The following ADGRL3 variants were observed in gnomAD, a reference collection of about 807,000 sequenced individuals.
ADGRL3 encodes calcium-independent alpha-latrotoxin receptor 3.
A neutral mutation model predicts 153.5 loss-of-function variants in ADGRL3; 62 were observed. That is an observed-to-expected ratio of 0.40 (90% CI 0.33 to 0.50). ADGRL3 has a LOEUF of 0.50. Among genes scored for constraint, ADGRL3 ranks in the 20% least tolerant of loss-of-function variants. The pLI is 0.47. For missense variants in ADGRL3, 1,641 were observed against 1,859.4 expected, an observed-to-expected ratio of 0.88 and a Z score of 2.16; for synonymous variants, 710 against 672.5, an observed-to-expected ratio of 1.06 and a Z score of -0.86.
chr4:61,906,989 G>A (rs2098698878), intron 11 of ADGRL3, among the ~76,000 whole-genome samples: 1 of 152,026 alleles, frequency 6.6e-6, no homozygotes, highest in African/African-American at 2.4e-5. Context: ...CATGTTCTGT[G>A]TTGGACTGCC....
intron 1 of ADGRL3, among the ~76,000 whole-genome samples, chr4:61,248,939 C>T (rs185002345): frequency 3.3e-5 from 5 of 152,140 alleles, no homozygotes; most frequent in Admixed American, 6.6e-5. Flanking sequence ...TTGTATTCTA[C>T]GTGCACAGCA....
At chr4:61,833,546 A>G (rs753975261) in intron 9 of ADGRL3, among the ~76,000 whole-genome samples, 2 of 152,054 alleles carry the variant, frequency 1.3e-5, no homozygotes, top group Non-Finnish European at 2.9e-5. Context: ...GATTGAGTCA[A>G]TTCCTGGGTG....
intron 1 of ADGRL3, among the ~76,000 whole-genome samples, chr4:61,377,072 G>A (rs1398030763): frequency 6.6e-6 from 1 of 152,084 alleles, no homozygotes; most frequent in Non-Finnish European, 1.5e-5. Flanking sequence ...CACAATGGCT[G>A]GGTATATAGA....
intron 1 of ADGRL3, among the ~76,000 whole-genome samples, chr4:61,203,660 T>C (rs971410432): frequency 6.6e-6 from 1 of 152,258 alleles, no homozygotes; most frequent in Non-Finnish European, 1.5e-5. Flanking sequence ...TTTAGCACTT[T>C]TTCATTTGGA....
At chr4:61,377,168 G>A (rs1263153256) in intron 1 of ADGRL3, among the ~76,000 whole-genome samples, 1 of 151,870 alleles carries the variant, frequency 6.6e-6, no homozygotes, top group Non-Finnish European at 1.5e-5. Flanking sequence ...GTAGGGAATG[G>A]TACGGAATGG....
intron 5 of ADGRL3, among the ~76,000 whole-genome samples, chr4:61,676,448 A>G (rs1230808757): frequency 6.6e-6 from 1 of 151,870 alleles, no homozygotes; most frequent in Non-Finnish European, 1.5e-5. Context: ...CTCTGTGGTT[A>G]TATTTTCTAA....
intron 5 of ADGRL3, among the ~76,000 whole-genome samples, chr4:61,627,055 C>G (rs779669069): frequency 2.6e-5 from 4 of 151,940 alleles, no homozygotes; most frequent in Non-Finnish European, 5.9e-5. Flanking sequence ...GGATTTGCTC[C>G]TTTTCAAATA....
intron 17 of ADGRL3, among the ~76,000 whole-genome samples, chr4:61,967,341 GT>G (rs1369177963): frequency 6.6e-6 from 1 of 152,000 alleles, no homozygotes; most frequent in Non-Finnish European, 1.5e-5. Flanking sequence ...ACTATGGCAT[GT>G]TTATATTTGC....
intron 3 of ADGRL3, among the ~76,000 whole-genome samples, chr4:61,512,834 A>T (rs2098470841): frequency 6.6e-6 from 1 of 152,124 alleles, no homozygotes; most frequent in Non-Finnish European, 1.5e-5. Context: ...GGGTATGTTC[A>T]GGAGGGTAAG....
chr4:61,746,756 G>A (rs971265831), intron 8 of ADGRL3, among the ~76,000 whole-genome samples: 21 of 152,252 alleles, frequency 1.4e-4, no homozygotes, highest in Admixed American at 1.3e-3. Context: ...GAGAAAGCAG[G>A]AAAGATCCAA....
At chr4:61,428,909 C>A (rs942270027) in intron 2 of ADGRL3, among the ~76,000 whole-genome samples, 18 of 146,298 alleles carry the variant, frequency 1.2e-4, no homozygotes, top group South Asian at 4.2e-4. Flanking sequence ...ATCTATCTAT[C>A]TATCTATCTA....
chr4:61,551,468 C>G (rs903806556), intron 4 of ADGRL3, among the ~76,000 whole-genome samples: 1 of 151,956 alleles, frequency 6.6e-6, no homozygotes, highest in Non-Finnish European at 1.5e-5. Context: ...AATTTTAATT[C>G]TAGAGGATAC....
At chr4:61,295,419 A>T (rs1009342653) in intron 1 of ADGRL3, among the ~76,000 whole-genome samples, 1 of 152,124 alleles carries the variant, frequency 6.6e-6, no homozygotes. Flanking sequence ...ATTCAATTCT[A>T]CCTGCAGTTT....
Position 61,780,464 on chromosome 4 carries a change from A to C in ADGRL3, c.1400-33345A>C, listed in dbSNP as rs146671236. Among the ~76,000 whole-genome samples, 18 of 152,380 alleles carry C rather than the reference A, an allele frequency of 1.2e-4. No individual in the cohort carries two copies. The East Asian group carries it at 3.5e-3, about 29-fold the overall frequency. ...AGTATAGGTTAAAGGAATTTAGAAA[A>C]GGAACCAATAGGCTTCTATTCTCAC... On this transcript the variant is annotated intron_variant, in intron 8 of 26. Transcript: ENST00000683033.
chr4:61,811,648 T>C (rs1221373088), intron 8 of ADGRL3, among the ~76,000 whole-genome samples: 3 of 152,168 alleles, frequency 2.0e-5, no homozygotes, highest in Admixed American at 6.5e-5. Context: ...TTATGCTTAA[T>C]TCAGATATAT....
At chr4:61,282,651 A>T (rs971381447) in intron 1 of ADGRL3, among the ~76,000 whole-genome samples, 1 of 151,938 alleles carries the variant, frequency 6.6e-6, no homozygotes, top group Non-Finnish European at 1.5e-5. Flanking sequence ...TACTAAACAT[A>T]GTAAATTCTT....
intron 8 of ADGRL3, among the ~76,000 whole-genome samples, chr4:61,747,629 C>G (rs369884202): frequency 6.9e-6 from 1 of 145,788 alleles, no homozygotes; most frequent in South Asian, 2.2e-4. Flanking sequence ...TCAATAGATG[C>G]AGAAAAGGCC....
chr4:61,714,156 G>A (rs2096059052), intron 6 of ADGRL3, among the ~76,000 whole-genome samples: 1 of 150,356 alleles, frequency 6.7e-6, no homozygotes, highest in Non-Finnish European at 1.5e-5. Context: ...TGTTGTAGCA[G>A]TAAACAAACA....
chr4:61,389,926 A>C (rs1490827802), intron 2 of ADGRL3, among the ~76,000 whole-genome samples: 1 of 152,184 alleles, frequency 6.6e-6, no homozygotes, highest in Non-Finnish European at 1.5e-5. Context: ...CTTAATCCAC[A>C]GAGCAGGCTG....
Sources: allele counts gnomAD v4.1 joint callset (sites outside exome capture counted in the v4.1 genomes callset), GRCh38; gene constraint gnomAD v4.1.1; transcripts MANE v1.5; gene names NCBI Gene and HGNC (gene_info 2026-07-23, HGNC 2026-07-21).